The following ZNF322 variants were observed in gnomAD, a reference collection of about 807,000 sequenced individuals.
ZNF322 encodes the protein zinc finger protein 322, also known as HLA complex group 12.
Under a neutral mutation model 18.3 loss-of-function variants are expected in ZNF322, and 1 was observed. The ratio of observed to expected loss-of-function variants is 0.05; its 90% CI spans 0.02 to 0.26. The LOEUF is 0.26. Ranked by LOEUF, ZNF322 falls within the 10% of genes least tolerant of loss-of-function variation. The probability of loss-of-function intolerance (pLI) is 1.00; values close to 1 mark genes in which losing one functional copy is unlikely to be tolerated. For missense variants in ZNF322, 36 were observed against 403.6 expected, an observed-to-expected ratio of 0.09 and a Z score of 7.80; for synonymous variants, 17 against 130.7, an observed-to-expected ratio of 0.13 and a Z score of 5.93.
intron 2 of ZNF322, among the ~76,000 whole-genome samples, chr6:26,656,913 G>C (rs531135177): frequency 3.0e-4 from 45 of 151,880 alleles, no homozygotes; most frequent in Middle Eastern, 6.8e-3. Flanking sequence ...GCTTTTTTTA[G>C]ATGTCAACAC....
intron 3 of ZNF322, among the ~76,000 whole-genome samples, chr6:26,639,444 T>C (rs1561921442): frequency 6.6e-6 from 1 of 152,108 alleles, no homozygotes; most frequent in African/African-American, 2.4e-5. Context: ...GCTTGGAACA[T>C]AGATTTTATA....
chr6:26,649,579 G>C (rs1765614549), intron 2 of ZNF322, among the ~76,000 whole-genome samples: 1 of 131,802 alleles, frequency 7.6e-6, no homozygotes, highest in African/African-American at 2.9e-5. Context: ...CTGTAAGACT[G>C]ATCATTTGAC....
chr6:26,643,392 A>G (rs1218089154), intron 3 of ZNF322, among the ~76,000 whole-genome samples: 4 of 152,224 alleles, frequency 2.6e-5, no homozygotes, highest in Admixed American at 2.6e-4. Context: ...CATACTATAT[A>G]ATTCACTTTA....
At chr6:26,658,159 G>T (rs1765815183) in intron 2 of ZNF322, among the ~76,000 whole-genome samples, 2 of 152,042 alleles carry the variant, frequency 1.3e-5, no homozygotes, top group Non-Finnish European at 2.9e-5. Flanking sequence ...TAATACCAGT[G>T]TTTGGATCTT....
At chr6:26,652,606 C>T (rs1765691202) in intron 2 of ZNF322, among the ~76,000 whole-genome samples, 1 of 152,108 alleles carries the variant, frequency 6.6e-6, no homozygotes, top group Non-Finnish European at 1.5e-5. Flanking sequence ...AGGAGAATCA[C>T]TTGAACCTGG....
chr6:26,639,720 T>A (rs1168188486), intron 3 of ZNF322, among the ~76,000 whole-genome samples: 1 of 152,198 alleles, frequency 6.6e-6, no homozygotes, highest in African/African-American at 2.4e-5. Flanking sequence ...GATCTTTTCA[T>A]GTTTGACCCT....
intron 2 of ZNF322, chr6:26,651,484 A>T (rs1207892329): frequency 6.6e-6 from 1 of 152,184 alleles, no homozygotes; most frequent in Non-Finnish European, 1.5e-5. Flanking sequence ...AATTTCAGTT[A>T]AACAGGAGGA....
chr6:26,653,430 T>C (rs1219380172), intron 2 of ZNF322, among the ~76,000 whole-genome samples: 3 of 152,166 alleles, frequency 2.0e-5, no homozygotes, highest in African/African-American at 7.2e-5. Flanking sequence ...AAATTACTCA[T>C]AGTAATGTTT....
intron 2 of ZNF322, among the ~76,000 whole-genome samples, chr6:26,650,149 C>T (rs1765642658): frequency 6.6e-6 from 1 of 151,996 alleles, no homozygotes; most frequent in Non-Finnish European, 1.5e-5. Flanking sequence ...CGACAAACAT[C>T]TGATAGAAAA....
At chr6:26,640,943 C>T (rs920156328) in intron 3 of ZNF322, among the ~76,000 whole-genome samples, 15 of 152,170 alleles carry the variant, frequency 9.9e-5, no homozygotes, top group African/African-American at 3.6e-4. Context: ...TTAAAGCTCA[C>T]TGAATACAGC....
At chr6:26,645,061 G>A (rs1554148600) in intron 2 of ZNF322, among the ~76,000 whole-genome samples, 2 of 151,980 alleles carry the variant, frequency 1.3e-5, no homozygotes, top group African/African-American at 4.8e-5. Flanking sequence ...GAGAACATGC[G>A]GTGTTTGCAC....
At chr6:26,652,803 T>C (rs1166604122) in intron 2 of ZNF322, among the ~76,000 whole-genome samples, 1 of 152,144 alleles carries the variant, frequency 6.6e-6, no homozygotes, top group Admixed American at 6.6e-5. Flanking sequence ...AGTTCACTGA[T>C]TGTAAGAAAT....
intron 2 of ZNF322, among the ~76,000 whole-genome samples, chr6:26,652,565 C>T (rs947824574): frequency 6.6e-6 from 1 of 152,030 alleles, no homozygotes; most frequent in Non-Finnish European, 1.5e-5. Context: ...TAGCAGGAGC[C>T]TGTAATTCCA....
intron 2 of ZNF322, among the ~76,000 whole-genome samples, chr6:26,645,473 GA>G (rs1403289349): frequency 5.4e-5 from 8 of 147,406 alleles, no homozygotes; most frequent in African/African-American, 9.9e-5. Flanking sequence ...AGTATGTATA[GA>G]AAAAAAAAAG....
chr6:26,654,879 A>G (rs1165790950), intron 2 of ZNF322, among the ~76,000 whole-genome samples: 1 of 152,154 alleles, frequency 6.6e-6, no homozygotes, highest in Non-Finnish European at 1.5e-5. Context: ...CAGTATAGAA[A>G]CCTGGAAGAC....
At chr6:26,657,777 C>A (rs1765808531) in intron 2 of ZNF322, among the ~76,000 whole-genome samples, 1 of 152,032 alleles carries the variant, frequency 6.6e-6, no homozygotes, top group African/African-American at 2.4e-5. Context: ...ACAGACTAGA[C>A]CAGTAGCCCT....
chr6:26,649,634 C>CAT (rs1286908376), intron 2 of ZNF322, among the ~76,000 whole-genome samples: 7,532 of 93,454 alleles, frequency 0.081, 536 homozygotes, highest in African/African-American at 0.11. Flanking sequence ...TATATACATA[C>CAT]ATATGTGTGT....
At chr6:26,643,988 G>A (rs377709939) in intron 2 of ZNF322, among the ~76,000 whole-genome samples, 20 of 152,160 alleles carry the variant, frequency 1.3e-4, no homozygotes, top group African/African-American at 4.6e-4. Context: ...TGAAGGAAAG[G>A]GCTCCTAACA....
At chr6:26,654,419 T>C (rs181409095) in intron 2 of ZNF322, among the ~76,000 whole-genome samples, 9 of 152,186 alleles carry the variant, frequency 5.9e-5, no homozygotes, top group African/African-American at 2.2e-4. Context: ...CAAGACTCTT[T>C]GGAGAAATGG....
Sources: gnomAD v4.1 joint callset for allele counts (sites outside exome capture counted in the v4.1 genomes callset) on GRCh38, gnomAD v4.1.1 for gene constraint, MANE v1.5 for transcripts, NCBI Gene and HGNC (gene_info 2026-07-23, HGNC 2026-07-21) for gene names.